Variants in MEGF6 observed in about 807,000 individuals in gnomAD.
The protein encoded by MEGF6 is multiple EGF like domains 6, also known as multiple epidermal growth factor-like domains protein 6.
In MEGF6, 184 loss-of-function variants were observed where a neutral mutation model predicts 207.1. The observed-to-expected ratio is 0.89, with a 90% CI of 0.79 to 1.00. The LOEUF (loss-of-function observed/expected upper bound fraction) is 1.00. MEGF6 is among the 50% of genes least tolerant of loss of function. MEGF6 has a pLI of 0.00. For synonymous variants in MEGF6, 1,038 were observed against 910.0 expected (o/e 1.14, Z -2.53); for missense variants, 2,282 against 2,202.9 (o/e 1.04, Z -0.72).
Position 3,605,402 on chromosome 1 carries a change from T to C in MEGF6, c.132-2802A>G, listed in dbSNP as rs528351983. ...ACTCACTACCATACCCACAATTACATACACACAACTCACAATCACTTTCAC... is the reference window on the plus strand; with the variant it reads ...ACTCACTACCATACCCACAATTACACACACACAACTCACAATCACTTTCAC... On this transcript the variant is annotated intron_variant, in intron 1 of 36. Coordinates refer to ENST00000356575, the MANE Select transcript of MEGF6 (RefSeq NM_001409.4). Among the ~76,000 whole-genome samples, 1,486 of 151,432 alleles carry C rather than the reference T, an allele frequency of 9.8e-3. 28 individuals are homozygous for C. The highest frequency in any genetic ancestry group is 0.034 in the African/African-American group (1,418 of 41,260).
intron 5 of MEGF6, among the ~76,000 whole-genome samples, chr1:3,515,761 G>A (rs1297219610): frequency 6.6e-6 from 1 of 152,230 alleles, no homozygotes; most frequent in Non-Finnish European, 1.5e-5. Flanking sequence ...GGCCTGTGGG[G>A]GATTCACTGG....
intron 34 of MEGF6, 173 bp downstream of exon 34, chr1:3,493,598 G>A (rs1213088883): frequency 2.7e-5 from 23 of 866,436 alleles, no homozygotes; most frequent in South Asian, 1.1e-4. Flanking sequence ...GCTTGGTACC[G>A]CATGTCCCAG....
intron 26 of MEGF6, chr1:3,497,575 G>A (rs1640665606): frequency 1.4e-6 from 1 of 713,150 alleles, no homozygotes; most frequent in Admixed American, 2.1e-5. Context: ...CCCACCGGCA[G>A]GCACAGCGCC....
At chr1:3,496,561 G>A (rs1640613110) in intron 29 of MEGF6, 94 bp downstream of exon 29, 2 of 1,518,998 alleles carry the variant, frequency 1.3e-6, no homozygotes, top group Admixed American at 2.0e-5. Flanking sequence ...GGGCAGGGAG[G>A]TGGGCAGTCG....
At chr1:3,527,642 G>A (rs1642011384) in intron 4 of MEGF6, among the ~76,000 whole-genome samples, 1 of 152,228 alleles carries the variant, frequency 6.6e-6, no homozygotes, top group Non-Finnish European at 1.5e-5. Context: ...AAAGAAGCTG[G>A]AGGGACAGAG....
intron 4 of MEGF6, among the ~76,000 whole-genome samples, chr1:3,524,777 T>G (rs1436236886): frequency 6.6e-6 from 1 of 152,182 alleles, no homozygotes; most frequent in Non-Finnish European, 1.5e-5. Flanking sequence ...AAACAGGGTC[T>G]TGGCAGCTGT....
chr1:3,531,596 C>T (rs1570072590), intron 4 of MEGF6: 2 of 707,654 alleles, frequency 2.8e-6, no homozygotes, highest in East Asian at 1.1e-4. Context: ...CGCTCCCGGA[C>T]CCGGACGCAG....
chr1:3,598,646 G>C (rs1046875880), intron 2 of MEGF6, among the ~76,000 whole-genome samples: 1 of 151,256 alleles, frequency 6.6e-6, no homozygotes, highest in East Asian at 2.0e-4. Flanking sequence ...CCTGCAGCCA[G>C]CACCAGCCCA....
At chr1:3,580,396 G>A (rs893099155) in intron 3 of MEGF6, among the ~76,000 whole-genome samples, 6 of 152,322 alleles carry the variant, frequency 3.9e-5, no homozygotes, top group Non-Finnish European at 7.4e-5. Context: ...GGGAGGCTCC[G>A]GCCCAGGCCA....
At chr1:3,495,213 A>G (rs370142440) in intron 30 of MEGF6, among the ~76,000 whole-genome samples, 99 of 152,196 alleles carry the variant, frequency 6.5e-4, no homozygotes, top group African/African-American at 2.4e-3. Context: ...CCTTCCTGGG[A>G]GTGAGGCGGG....
chr1:3,578,410 G>A (rs754145330), intron 4 of MEGF6, among the ~76,000 whole-genome samples: 4 of 152,206 alleles, frequency 2.6e-5, no homozygotes, highest in East Asian at 1.9e-4. Context: ...ACTCCATCCT[G>A]TGTGGACCCC....
intron 4 of MEGF6, among the ~76,000 whole-genome samples, chr1:3,539,939 C>T (rs371732300): frequency 5.3e-5 from 8 of 152,178 alleles, no homozygotes; most frequent in Non-Finnish European, 8.8e-5. Flanking sequence ...CGCAGGCCCC[C>T]GGGGTCGCAC....
chr1:3,588,952 G>A, intron 3 of MEGF6, among the ~76,000 whole-genome samples: 1 of 152,120 alleles, frequency 6.6e-6, no homozygotes, highest in Admixed American at 6.5e-5. Context: ...TCCCCCTGTG[G>A]TGGGGTGGAA....
At chr1:3,495,293 G>T (rs1640553984) in intron 30 of MEGF6, among the ~76,000 whole-genome samples, 3 of 152,182 alleles carry the variant, frequency 2.0e-5, no homozygotes, top group South Asian at 4.1e-4. Context: ...GGCTCCCAAT[G>T]AGCCCAGAAG....
rs779635639 is a variant in MEGF6, at chr1:3,512,121, G to T, written c.861C>A (p.Asp287Glu). The change falls in exon 8 of 37, where the codon GAC (aspartate) becomes GAA (glutamate). Residue 287 changes from aspartate to glutamate, a missense_variant. By Grantham distance (45) the Asp-to-Glu change is conservative. Coordinates refer to ENST00000356575, the MANE Select transcript of MEGF6 (RefSeq NM_001409.4). ...ACTGGGCCAGCCCTGCGGCACATTCGTCCACATCTGGAGGGGAGAGACCAC... is the reference window on the plus strand; with the variant it reads ...ACTGGGCCAGCCCTGCGGCACATTCTTCCACATCTGGAGGGGAGAGACCAC... ...AADGKACEDVDECAAGLAQCA... is the reference protein window; with the variant it reads ...AADGKACEDVEECAAGLAQCA... 1 of 1,606,410 alleles carries T rather than the reference G, an allele frequency of 6.2e-7. No homozygotes were observed. The highest frequency in any genetic ancestry group is 8.5e-7 in the Non-Finnish European group (1 of 1,175,374).
At chr1:3,502,205 G>T (rs1206233255) in intron 17 of MEGF6, among the ~76,000 whole-genome samples, 2 of 151,370 alleles carry the variant, frequency 1.3e-5, no homozygotes, top group Non-Finnish European at 3.0e-5. Context: ...GGAGTGAAAG[G>T]GGAGCTGACG....
At chr1:3,579,220 C>G (rs1040041459) in intron 4 of MEGF6, among the ~76,000 whole-genome samples, 3 of 152,208 alleles carry the variant, frequency 2.0e-5, no homozygotes, top group Non-Finnish European at 4.4e-5. Context: ...TGAATCAGGA[C>G]GAGGCTCTGC....
intron 3 of MEGF6, among the ~76,000 whole-genome samples, chr1:3,580,246 G>C (rs1266192948): frequency 6.6e-6 from 1 of 151,148 alleles, no homozygotes; most frequent in South Asian, 2.1e-4. Context: ...TCTGAGAGGG[G>C]TGGGAGGAGG....
intron 4 of MEGF6, among the ~76,000 whole-genome samples, chr1:3,539,634 G>A (rs912466219): frequency 6.6e-6 from 1 of 152,204 alleles, no homozygotes; most frequent in Non-Finnish European, 1.5e-5. Flanking sequence ...GTAGCCCCTG[G>A]GAAACCAAGC....
Sources: gnomAD v4.1 joint callset for allele counts (sites outside exome capture counted in the v4.1 genomes callset) on GRCh38, gnomAD v4.1.1 for gene constraint, MANE v1.5 for transcripts, NCBI Gene and HGNC (gene_info 2026-07-23, HGNC 2026-07-21) for gene names.